Variants in AKAP6 observed in about 807,000 individuals in gnomAD.
AKAP6 encodes A-kinase anchor protein 6.
Under a neutral mutation model 188.5 loss-of-function variants are expected in AKAP6, and 58 were observed. The ratio of observed to expected loss-of-function variants is 0.31; its 90% CI spans 0.25 to 0.38. AKAP6 has a LOEUF of 0.38. AKAP6 is among the 10% of genes least tolerant of loss of function. The pLI is 1.00. For synonymous variants in AKAP6, 989 were observed against 998.6 expected (o/e 0.99, Z 0.18); for missense variants, 2,710 against 2,740.0 (o/e 0.99, Z 0.24).
chr14:32,787,201 A>G (rs1428157814), intron 12 of AKAP6, among the ~76,000 whole-genome samples: 4 of 152,242 alleles, frequency 2.6e-5, no homozygotes, highest in Non-Finnish European at 5.9e-5. Flanking sequence ...ACTTTACAAA[A>G]GAAAGGAAAG....
At chr14:32,461,276 G>C (rs1282861187) in intron 2 of AKAP6, among the ~76,000 whole-genome samples, 1 of 152,190 alleles carries the variant, frequency 6.6e-6, no homozygotes, top group African/African-American at 2.4e-5. Flanking sequence ...CGTGCCTCCT[G>C]ATGGGGAGAC....
At chr14:32,797,840 C>T (rs1395357656) in intron 12 of AKAP6, among the ~76,000 whole-genome samples, 1 of 150,666 alleles carries the variant, frequency 6.6e-6, no homozygotes, top group Non-Finnish European at 1.5e-5. Flanking sequence ...TGGACATAGG[C>T]CCTTGCAAAG....
rs1348703787 is a variant in AKAP6 at position 32,599,478 on chromosome 14, T to A, written c.2538T>A (p.Leu846=). ...CTGTGGAGGAGGAAGGACACCAACT[T>A]CTTGAGCTTATTGCATCTCACAAAG... is the stretch of plus-strand genomic sequence containing the variant. ...KEAVEEEGHQ[L]LELIASHKAG... The change falls in exon 6 of 14, where the codon CTT becomes CTA. Residue 846 remains leucine, a synonymous_variant. Coordinates refer to ENST00000280979, the MANE Select transcript of AKAP6 (RefSeq NM_004274.5). 1.2e-6 allele frequency: 2 copies of A among 1,613,286 alleles called. No homozygotes were observed. The highest frequency in any genetic ancestry group is 1.7e-6 in the Non-Finnish European group (2 of 1,179,576).
chr14:32,460,834 T>C (rs921538141), intron 2 of AKAP6, among the ~76,000 whole-genome samples: 1 of 152,218 alleles, frequency 6.6e-6, no homozygotes, highest in Non-Finnish European at 1.5e-5. Context: ...AAATTCTTGC[T>C]GCCAGCACAG....
rs530126268 is a variant in AKAP6 at position 32,444,403 on chromosome 14, AG to A, written c.324+10589del. ...CTCTTGTCACTTGGTATTAGGGCTG[AG>A]GGTTGTTTTTTCTTTGTATAAATGT... On this transcript the variant is annotated intron_variant, in intron 2 of 13. Coordinates refer to ENST00000280979, the MANE Select transcript of AKAP6 (RefSeq NM_004274.5). Among the ~76,000 whole-genome samples the A allele has an allele frequency of 4.7e-3, 721 of 152,240 alleles. 9 individuals are homozygous for A. Among genetic ancestry groups the A allele is most frequent in the Non-Finnish European group, 8.5e-3 (578 of 68,012 alleles).
chr14:32,568,043 GAAGA>G lies in AKAP6; in HGVS notation c.2347-9070_2347-9067del, dbSNP rs1452514158. On this transcript the variant is annotated intron_variant, in intron 4 of 13. Transcript: ENST00000280979. The surrounding 1 kb of genome is among the most constrained non-coding windows in gnomAD (Gnocchi z 6.2). ...AAGAGGCAAAACAACAATAGTCAAGGAAGAAAGAAAAGAAAGGCTGAAAAGAGAG... is the reference window on the plus strand; with the variant it reads ...AAGAGGCAAAACAACAATAGTCAAGGAAGAAAAGAAAGGCTGAAAAGAGAG... Among the ~76,000 whole-genome samples, 6 of 151,970 alleles carry G rather than the reference GAAGA, an allele frequency of 3.9e-5. No homozygotes were observed. The highest frequency in any genetic ancestry group is 3.3e-4 in the Admixed American group (5 of 15,238).
At chr14:32,746,523 G>T (rs2031917452) in intron 11 of AKAP6, among the ~76,000 whole-genome samples, 1 of 152,154 alleles carries the variant, frequency 6.6e-6, no homozygotes, top group South Asian at 2.1e-4. Flanking sequence ...CTATCCTGCT[G>T]TGGTTGAGCT....
intron 9 of AKAP6, among the ~76,000 whole-genome samples, chr14:32,731,398 G>A (rs1741026491): frequency 6.6e-6 from 1 of 151,932 alleles, no homozygotes; most frequent in Non-Finnish European, 1.5e-5. Flanking sequence ...TGAACTTATT[G>A]ATTTATTTAT....
chr14:32,470,844 C>G (rs952417781), intron 2 of AKAP6, among the ~76,000 whole-genome samples: 2 of 152,136 alleles, frequency 1.3e-5, no homozygotes, highest in African/African-American at 2.4e-5. Context: ...AGTTAGTTTA[C>G]TACAAGAGCA....
At chr14:32,465,327 G>A (rs1216531350) in intron 2 of AKAP6, among the ~76,000 whole-genome samples, 5 of 152,118 alleles carry the variant, frequency 3.3e-5, no homozygotes, top group African/African-American at 9.7e-5. Context: ...GATGCTACCT[G>A]ACTTCAAACT....
chr14:32,395,020 GT>G (rs1888833140), intron 1 of AKAP6, among the ~76,000 whole-genome samples: 1 of 152,082 alleles, frequency 6.6e-6, no homozygotes. Flanking sequence ...CAATTTAGGA[GT>G]TAACTTCAGG....
intron 2 of AKAP6, among the ~76,000 whole-genome samples, chr14:32,520,687 T>C (rs1229375292): frequency 6.6e-6 from 1 of 152,122 alleles, no homozygotes; most frequent in African/African-American, 2.4e-5. Flanking sequence ...GGCTCTGAAA[T>C]TGAGGCAGTA....
chr14:32,824,922 T>C, intron 13 of AKAP6, 107 bp downstream of exon 13: 1 of 818,792 alleles, frequency 1.2e-6, no homozygotes, highest in Non-Finnish European at 1.9e-6. Flanking sequence ...CGGCAGACAG[T>C]TATCTGAATA....
intron 11 of AKAP6, among the ~76,000 whole-genome samples, chr14:32,770,707 A>T (rs1439994829): frequency 6.6e-6 from 1 of 152,178 alleles, no homozygotes; most frequent in African/African-American, 2.4e-5. Flanking sequence ...TGAATATTTC[A>T]TTGACTCTTC....
chr14:32,707,020 T>C (rs1890839744), intron 9 of AKAP6, among the ~76,000 whole-genome samples: 1 of 152,098 alleles, frequency 6.6e-6, no homozygotes, highest in African/African-American at 2.4e-5. Context: ...CTTATAGACA[T>C]TTACATAAAG....
At chr14:32,783,477 T>C (rs2033312954) in intron 12 of AKAP6, among the ~76,000 whole-genome samples, 1 of 152,100 alleles carries the variant, frequency 6.6e-6, no homozygotes, top group African/African-American at 2.4e-5. Flanking sequence ...TTATTTAAAT[T>C]ATACCTCAAT....
chr14:32,351,902 T>C (rs915904580), intron 1 of AKAP6, among the ~76,000 whole-genome samples: 12 of 152,180 alleles, frequency 7.9e-5, no homozygotes, highest in African/African-American at 1.4e-4. Context: ...CTAATTTATT[T>C]GGATTAACAG....
intron 4 of AKAP6, among the ~76,000 whole-genome samples, chr14:32,553,982 G>T (rs975876081): frequency 1.3e-5 from 2 of 152,176 alleles, no homozygotes; most frequent in African/African-American, 4.8e-5. Context: ...ATACATTCAA[G>T]AAATAGAATA....
At position 32,772,598 on chromosome 14, in the gene AKAP6, C is replaced by G. The variant is rs114772056; in HGVS notation, c.3373-1080C>G. On this transcript the variant is annotated intron_variant, in intron 11 of 13. Transcript: ENST00000280979. ...CTGTATGAAATGTCCACCTGCTGAT[C>G]TGATACCCCCACTCCAAGCACATTT... is the stretch of plus-strand genomic sequence containing the variant. 6.6e-3 allele frequency among the ~76,000 whole-genome samples: 1,003 copies of G among 152,264 alleles called. 8 individuals are homozygous for G. Among genetic ancestry groups the G allele is most frequent in the African/African-American group, 0.023 (943 of 41,552 alleles).
Sources: allele counts gnomAD v4.1 joint callset (sites outside exome capture counted in the v4.1 genomes callset), GRCh38; gene constraint gnomAD v4.1.1; non-coding constraint Gnocchi (gnomAD v3.1); transcripts MANE v1.5; gene names NCBI Gene and HGNC (gene_info 2026-07-23, HGNC 2026-07-21).